SLC1A6: variants seen among roughly 807,000 people sequenced by gnomAD.
The protein encoded by SLC1A6 is solute carrier family 1 member 6.
SLC1A6 carries 15 observed loss-of-function variants against 42.1 expected under a neutral mutation model. The observed-to-expected ratio is 0.36, with a 90% CI of 0.24 to 0.55. The LOEUF is 0.55. SLC1A6 is among the 20% of genes least tolerant of loss of function. SLC1A6 has a pLI of 0.88. For synonymous variants in SLC1A6, 317 were observed against 319.7 expected (o/e 0.99, Z 0.09); for missense variants, 542 against 772.5 (o/e 0.70, Z 3.54).
At chr19:14,954,103 C>A in intron 8 of SLC1A6, 32 bp downstream of exon 8, 1 of 1,539,008 alleles carries the variant, frequency 6.5e-7, no homozygotes, top group Non-Finnish European at 8.8e-7. Context: ...TTAAGTCTCA[C>A]CTGCTGGCAG....
chr19:14,975,896 A>AAGGGGGAAGGG (rs148123004), intron 1 of SLC1A6, among the ~76,000 whole-genome samples: 12 of 84,348 alleles, frequency 1.4e-4, no homozygotes, highest in South Asian at 4.3e-4. Flanking sequence ...GAAGGGAAGG[A>AAGGGGGAAGGG]AAGGGAAGGG....
chr19:14,995,660 A>G (rs2045842730), intron 1 of SLC1A6, among the ~76,000 whole-genome samples: 1 of 152,224 alleles, frequency 6.6e-6, no homozygotes, highest in East Asian at 1.9e-4. Flanking sequence ...ACGTTATGCT[A>G]TACATGATAT....
upstream of SLC1A6, among the ~76,000 whole-genome samples, chr19:14,983,719 C>CAA (rs56657572): frequency 7.2e-3 from 374 of 52,044 alleles, 7 homozygotes; most frequent in Middle Eastern, 0.013. Context: ...ACAACAACAC[C>CAA]AAAAAAAAAA....
At chr19:14,993,664 G>A (rs1229156805) in intron 1 of SLC1A6, among the ~76,000 whole-genome samples, 1 of 152,192 alleles carries the variant, frequency 6.6e-6, no homozygotes, top group Non-Finnish European at 1.5e-5. Context: ...TTAAAAGGCA[G>A]ATGTATTAAA....
intron 1 of SLC1A6, among the ~76,000 whole-genome samples, chr19:14,986,008 T>C (rs1016683361): frequency 2.0e-5 from 3 of 151,488 alleles, no homozygotes; most frequent in Non-Finnish European, 4.4e-5. Flanking sequence ...ATACACCATG[T>C]CAGAATAGCT....
intron 9 of SLC1A6, among the ~76,000 whole-genome samples, chr19:14,952,527 C>T (rs1266061477): frequency 1.2e-4 from 18 of 151,546 alleles, no homozygotes; most frequent in South Asian, 2.1e-4. Context: ...CAGGTTCAAG[C>T]GATTCTCCCA....
chr19:14,996,526 T>TCC (rs2045846697), intron 1 of SLC1A6, among the ~76,000 whole-genome samples: 2 of 145,464 alleles, frequency 1.4e-5, no homozygotes. Flanking sequence ...CTCCTCCTCC[T>TCC]CTTTCTTCTT....
intron 1 of SLC1A6, among the ~76,000 whole-genome samples, chr19:14,996,551 T>TCTTCTC (rs1352251521): frequency 7.1e-6 from 1 of 140,668 alleles, no homozygotes; most frequent in Non-Finnish European, 1.5e-5. Flanking sequence ...TTCTTCTTCT[T>TCTTCTC]CTTCTTCTTG....
chr19:14,965,023 CTTTT>C (rs35846543), intron 4 of SLC1A6, among the ~76,000 whole-genome samples: 1 of 140,002 alleles, frequency 7.1e-6, no homozygotes, highest in African/African-American at 2.6e-5. Context: ...ATGGAGATTT[CTTTT>C]TTTTTTTTTT....
upstream of SLC1A6, among the ~76,000 whole-genome samples, chr19:14,984,204 G>A (rs1225369210): frequency 2.0e-5 from 3 of 152,168 alleles, no homozygotes; most frequent in African/African-American, 7.2e-5. Context: ...AGCTACTTGG[G>A]AGGCTGAGGC....
intron 3 of SLC1A6, among the ~76,000 whole-genome samples, chr19:14,971,313 A>G (rs1437901384): frequency 6.6e-6 from 1 of 151,990 alleles, no homozygotes; most frequent in Non-Finnish European, 1.5e-5. Flanking sequence ...TAAGCCAACC[A>G]TACTCCCATC....
In SLC1A6 at chr19:14,972,924, G is replaced by GA. The variant is rs759123801; in HGVS notation, c.-7-8dup. The GA allele has an allele frequency of 6.4e-7, 1 of 1,555,322 alleles. No homozygotes were observed. Among genetic ancestry groups the GA allele is most frequent in the South Asian group, 1.2e-5 (1 of 85,270 alleles). Reference sequence around the variant, plus strand: ...ATGGCTGCTCATGGTCTATCTGCGGGAAACAGAGAAGCCTGGGGCTGGTGA... The same window carrying GA: ...ATGGCTGCTCATGGTCTATCTGCGGGAAAACAGAGAAGCCTGGGGCTGGTGA... On this transcript the variant is annotated splice_polypyrimidine_tract_variant and splice_region_variant and intron_variant, in intron 1 of 9. Transcript: ENST00000594383.
intron 1 of SLC1A6, among the ~76,000 whole-genome samples, chr19:14,995,429 A>G (rs2045841445): frequency 6.6e-6 from 1 of 151,628 alleles, no homozygotes; most frequent in South Asian, 2.1e-4. Context: ...ACCATACCAT[A>G]GCCTTGGGTG....
intron 1 of SLC1A6, among the ~76,000 whole-genome samples, chr19:14,990,796 A>AC (rs900865970): frequency 6.8e-6 from 1 of 146,098 alleles, no homozygotes; most frequent in African/African-American, 2.6e-5. Flanking sequence ...CAAAAAAAAA[A>AC]AAAAACGAAT....
At chr19:15,002,369 C>T (rs2045876069) in intron 1 of SLC1A6, among the ~76,000 whole-genome samples, 1 of 152,004 alleles carries the variant, frequency 6.6e-6, no homozygotes, top group Admixed American at 6.6e-5. Context: ...CTCCTGGCTT[C>T]AAGCAATCCT....
rs1290295112 is a variant in SLC1A6, at chr19:14,979,856, A to T, written c.-555T>A. Reference sequence around the variant, plus strand: ...AGGGGGACAGCGTGCTTGCGAAGGGAGGGGGACTGGGGGTGGGCGGGGGTG... The same window carrying T: ...AGGGGGACAGCGTGCTTGCGAAGGGTGGGGGACTGGGGGTGGGCGGGGGTG... On this transcript the variant is annotated 5_prime_UTR_variant, in exon 1 of 10. Coordinates refer to ENST00000594383, the MANE Select transcript of SLC1A6 (RefSeq NM_005071.3). This position sits in a 1 kb window ranked among gnomAD's most constrained non-coding sequence, Gnocchi z 4.2. 1 of 17,722 alleles carries T rather than the reference A, an allele frequency of 5.6e-5. No individual in the cohort carries two copies. Among genetic ancestry groups the T allele is most frequent in the Non-Finnish European group, 1.3e-4 (1 of 7,656 alleles). 1.1% of individuals were successfully genotyped at this position (17,722 alleles called of 1,614,324 possible).
rs757996910 is a variant in SLC1A6, at chr19:14,956,624, T to G, written c.1021A>C (p.Met341Leu). Residue 341 changes from methionine to leucine, a missense_variant, in exon 7 of 10, where the codon ATG (methionine) becomes CTG (leucine). Met to Leu is a conservative substitution (Grantham distance 15). Transcript: ENST00000594383. ...CCCACGATGACGGTCAGGGTGTACA[T>G]GCCCAGCTGACCCCCCAGGACGGCC... ...DMAVLGGQLG[M>L]YTLTVIVGLF... 20 of 1,613,764 alleles carry G rather than the reference T, an allele frequency of 1.2e-5. No homozygotes were observed. The highest frequency in any genetic ancestry group is 1.7e-5 in the Non-Finnish European group (20 of 1,179,912).
chr19:14,965,267 C>A (rs2045561075), intron 4 of SLC1A6, among the ~76,000 whole-genome samples: 1 of 152,136 alleles, frequency 6.6e-6, no homozygotes, highest in Non-Finnish European at 1.5e-5. Context: ...GATCTGCCTG[C>A]CTCAGCCTCC....
chr19:14,972,787 G>T lies in SLC1A6; in HGVS notation c.124C>A (p.Gln42Lys), dbSNP rs2045657763. Residue 42 changes from glutamine (Q) to lysine (K), a missense_variant, in exon 2 of 10, where the codon CAG (glutamine) becomes AAG (lysine). This residue lies in a region of SLC1A6 where 88 missense variants were observed against 85.5 expected (regional missense o/e 1.03). Coordinates refer to ENST00000594383, the MANE Select transcript of SLC1A6 (RefSeq NM_005071.3). ...QRALRTRLRLQTMTLEHVLRF... is the reference protein window; with the variant it reads ...QRALRTRLRLKTMTLEHVLRF... ...AGCACGTGCTCGAGGGTCATGGTCT[G>T]CAGGCGCAGGCGCGTGCGCAGTGCT... 6.2e-7 allele frequency: 1 copy of T among 1,613,398 alleles called. No individual in the cohort carries two copies. The highest frequency in any genetic ancestry group is 1.3e-5 in the African/African-American group (1 of 74,932).
Sources: gnomAD v4.1 joint callset for allele counts (sites outside exome capture counted in the v4.1 genomes callset) on GRCh38, gnomAD v4.1.1 for gene constraint, gnomAD v4.1.1 regional missense constraint, Gnocchi (gnomAD v3.1) non-coding constraint, MANE v1.5 for transcripts, NCBI Gene and HGNC (gene_info 2026-07-23, HGNC 2026-07-21) for gene names.